Variants in SMARCAD1 observed in about 807,000 individuals in gnomAD.
SMARCAD1 encodes SNF2 related chromatin remodeling ATPase with DExD box 1, also known as SWI/SNF-related matrix-associated actin-dependent regulator of chromatin subfamily A containing DEAD/H box 1.
In SMARCAD1, 25 loss-of-function variants were observed where a neutral mutation model predicts 127.1. The observed-to-expected ratio is 0.20, with a 90% CI of 0.14 to 0.27. The LOEUF (loss-of-function observed/expected upper bound fraction) is 0.27, where lower values mean the gene tolerates loss of function less well. Ranked by LOEUF, SMARCAD1 falls within the 10% of genes least tolerant of loss-of-function variation. The probability of loss-of-function intolerance (pLI) is 1.00; values close to 1 mark genes in which losing one functional copy is unlikely to be tolerated. For synonymous variants in SMARCAD1, 400 were observed against 396.9 expected (o/e 1.01, Z -0.09); for missense variants, 807 against 1,206.0 (o/e 0.67, Z 4.90).
intron 6 of SMARCAD1, among the ~76,000 whole-genome samples, chr4:94,249,426 A>G (rs1215490038): frequency 2.6e-5 from 4 of 152,010 alleles, no homozygotes; most frequent in Non-Finnish European, 5.9e-5. Flanking sequence ...ATAAAGTTTG[A>G]GTTACCGGAT....
intron 3 of SMARCAD1, among the ~76,000 whole-genome samples, chr4:94,230,291 T>G (rs565503843): frequency 9.9e-5 from 15 of 152,242 alleles, no homozygotes; most frequent in East Asian, 1.9e-4. Flanking sequence ...GTATTTTTTT[T>G]TTTGTTTCTT....
At position 94,281,915 on chromosome 4, in the gene SMARCAD1, G is replaced by A. The variant is rs1040536669; in HGVS notation, c.2726+325G>A. Among the ~76,000 whole-genome samples, 4 of 151,368 alleles carry A rather than the reference G, an allele frequency of 2.6e-5. No homozygotes were observed. The East Asian group carries it at 6.0e-4, about 23-fold the overall frequency. On this transcript the variant is annotated intron_variant, in intron 21 of 23. Transcript: ENST00000354268. ...AAAATAGCCAGGTGTGGTGGTGCAC[G>A]CCTGTGGTCCCAACTAGGGAGGCTG...
chr4:94,265,997 GA>G (rs200993447), intron 10 of SMARCAD1, among the ~76,000 whole-genome samples: 9 of 149,428 alleles, frequency 6.0e-5, no homozygotes, highest in African/African-American at 7.4e-5. Flanking sequence ...TCAAGGTATG[GA>G]AAAAAAAACA....
chr4:94,214,523 C>T (rs1256925654), intron 2 of SMARCAD1, among the ~76,000 whole-genome samples: 4 of 151,972 alleles, frequency 2.6e-5, no homozygotes, highest in African/African-American at 9.7e-5. Flanking sequence ...GCCTCGGCCT[C>T]CTAAAGTGCT....
At chr4:94,230,577 GGTTA>G (rs1195467888) in intron 3 of SMARCAD1, among the ~76,000 whole-genome samples, 2 of 152,048 alleles carry the variant, frequency 1.3e-5, no homozygotes, top group African/African-American at 4.8e-5. Context: ...CATTTAGGAT[GGTTA>G]GTTAAGTATC....
intron 10 of SMARCAD1, among the ~76,000 whole-genome samples, chr4:94,269,376 T>G (rs971965306): frequency 2.0e-5 from 3 of 152,194 alleles, no homozygotes; most frequent in African/African-American, 7.2e-5. Context: ...TCCTATGTTT[T>G]CACATTAATG....
At chr4:94,213,122 C>G in intron 2 of SMARCAD1, 2 of 1,284,762 alleles carry the variant, frequency 1.6e-6, no homozygotes, top group Non-Finnish European at 2.0e-6. Flanking sequence ...ATGAGTGAAG[C>G]CTGATCCTCC....
rs1351470848 is a variant in SMARCAD1, at chr4:94,291,015, A to G, written c.*1481A>G. 35 of 441,348 alleles carry G rather than the reference A, an allele frequency of 7.9e-5. No homozygotes were observed. The highest frequency in any genetic ancestry group is 1.4e-4 in the Non-Finnish European group (30 of 221,526). 27.3% of individuals were successfully genotyped at this position (441,348 alleles called of 1,614,324 possible). A position where few individuals can be genotyped will look rare whatever the true frequency, so the allele number is the denominator to read the frequency against. On this transcript the variant is annotated 3_prime_UTR_variant, in exon 24 of 24. Coordinates refer to ENST00000354268, the MANE Select transcript of SMARCAD1 (RefSeq NM_020159.5). ...CAGACTGAATATATTTTACCATTAC[A>G]GGGCTAAAAGGAGTCTTCATGTGTT... is the stretch of plus-strand genomic sequence containing the variant.
intron 3 of SMARCAD1, 103 bp from the exon 4 acceptor site, chr4:94,233,851 A>G: frequency 8.4e-7 from 1 of 1,196,282 alleles, no homozygotes; most frequent in Non-Finnish European, 1.2e-6. Flanking sequence ...ACTATTGAAA[A>G]GAACTGCAGA....
chr4:94,271,498 T>G (rs1752533403), intron 11 of SMARCAD1, among the ~76,000 whole-genome samples: 1 of 152,208 alleles, frequency 6.6e-6, no homozygotes, highest in South Asian at 2.1e-4. Flanking sequence ...AAAGAAAATG[T>G]TACACTGTGT....
rs11722476 is a variant in SMARCAD1 at position 94,249,688 on chromosome 4, G to A, written c.740G>A (p.Ser247Asn). The change falls in exon 7 of 24, where the codon AGT becomes AAT. Residue 247 changes from serine (S) to asparagine (N), a missense_variant. Ser to Asn is a conservative substitution (Grantham distance 46, BLOSUM62 1). This residue lies in a region of SMARCAD1 where 257 missense variants were observed against 303.4 expected (regional missense o/e 0.85). Coordinates refer to ENST00000354268, the MANE Select transcript of SMARCAD1 (RefSeq NM_020159.5). ...TCAAATGAGTCTGCAGAATCTAGCA[G>A]TAATTGGGAAAAGCAGGAAAGTATT... Reference protein sequence around the residue: ...EESNESAESSSNWEKQESIVL... With the variant: ...EESNESAESSNNWEKQESIVL... 0.42 allele frequency: 670,968 copies of A among 1,602,518 alleles called. 148,090 individuals carry two copies. Among genetic ancestry groups the A allele is most frequent in the East Asian group, 0.75 (33,526 of 44,618 alleles).
intron 3 of SMARCAD1, among the ~76,000 whole-genome samples, chr4:94,226,868 T>C (rs1027872413): frequency 4.6e-5 from 7 of 151,840 alleles, no homozygotes; most frequent in Non-Finnish European, 7.4e-5. Context: ...CGTTTCTTTT[T>C]TTTTTTCTTG....
Position 94,247,084 on chromosome 4 carries a change from A to T in SMARCAD1, c.706-2570A>T, listed in dbSNP as rs1244102488. Among the ~76,000 whole-genome samples the T allele has an allele frequency of 4.0e-5, 6 of 150,348 alleles. No individual in the cohort carries two copies. The East Asian group carries it at 1.2e-3, about 30-fold the overall frequency. On this transcript the variant is annotated intron_variant, in intron 6 of 23. Coordinates refer to ENST00000354268, the MANE Select transcript of SMARCAD1 (RefSeq NM_020159.5). ...ATTGGGATGGGATGGTGGTGTCAAT[A>T]TCTGCAGTTCCTTTAGGACTGTAGT...
At chr4:94,253,380 A>G (rs1749570878) in intron 9 of SMARCAD1, 2 of 1,275,136 alleles carry the variant, frequency 1.6e-6, no homozygotes, top group African/African-American at 3.1e-5. Flanking sequence ...GAAAGCAAGA[A>G]TGTGGCAGAA....
chr4:94,248,805 A>T (rs1748847098), intron 6 of SMARCAD1, among the ~76,000 whole-genome samples: 1 of 152,186 alleles, frequency 6.6e-6, no homozygotes, highest in South Asian at 2.1e-4. Context: ...CAGAGGAGGT[A>T]TCAGAATTTA....
At chr4:94,286,513 C>G (rs1454584954) in intron 23 of SMARCAD1, among the ~76,000 whole-genome samples, 1 of 152,144 alleles carries the variant, frequency 6.6e-6, no homozygotes, top group Admixed American at 6.5e-5. Context: ...GACACTTAAG[C>G]TTTTACTTTA....
chr4:94,277,273 TTAAG>T (rs749360568), intron 16 of SMARCAD1, 114 bp downstream of exon 16: 8 of 1,200,442 alleles, frequency 6.7e-6, no homozygotes, highest in Non-Finnish European at 8.6e-6. Context: ...TGAAGTAACT[TTAAG>T]TAGGTGATAA....
At chr4:94,239,239 T>C (rs971734082) in intron 5 of SMARCAD1, among the ~76,000 whole-genome samples, 1 of 152,190 alleles carries the variant, frequency 6.6e-6, no homozygotes, top group African/African-American at 2.4e-5. Flanking sequence ...TACTATGTTA[T>C]TGAGACAGGA....
chr4:94,260,447 A>G (rs973081457), intron 9 of SMARCAD1, among the ~76,000 whole-genome samples: 11 of 152,064 alleles, frequency 7.2e-5, no homozygotes, highest in Admixed American at 7.2e-4. Context: ...GGGTTCAAGA[A>G]ATTCTTGTGC....
Sources: allele counts gnomAD v4.1 joint callset (sites outside exome capture counted in the v4.1 genomes callset), GRCh38; gene constraint gnomAD v4.1.1; regional missense constraint gnomAD v4.1.1; transcripts MANE v1.5; gene names NCBI Gene and HGNC (gene_info 2026-07-23, HGNC 2026-07-21).